The following PADI4 variants were observed in gnomAD, a reference collection of about 807,000 sequenced individuals.
PADI4 encodes the protein protein-arginine deiminase type-4.
PADI4 carries 62 observed loss-of-function variants against 75.0 expected under a neutral mutation model. The ratio of observed to expected loss-of-function variants is 0.83; its 90% CI spans 0.67 to 1.02. The LOEUF (loss-of-function observed/expected upper bound fraction) is 1.02. PADI4 is among the 50% of genes least tolerant of loss of function. The probability of loss-of-function intolerance (pLI) is 0.00; values close to 1 mark genes in which losing one functional copy is unlikely to be tolerated. For missense variants in PADI4, 845 were observed against 850.5 expected, an observed-to-expected ratio of 0.99 and a Z score of 0.08; for synonymous variants, 361 against 348.1, an observed-to-expected ratio of 1.04 and a Z score of -0.41.
chr1:17,342,481 G>C (rs1748019), intron 8 of PADI4, 79 bp downstream of exon 8: 76,635 of 850,980 alleles, frequency 0.09, 3,807 homozygotes, highest in African/African-American at 0.12. Flanking sequence ...CTGTGTGATG[G>C]GAAAAACAGT....
At position 17,349,811 on chromosome 1, in the gene PADI4, C is replaced by G. The variant is rs902907366; in HGVS notation, c.1155+1763C>G. ...GTCACACTCAGCACCAGGCTTTGGC[C>G]CCACCTGCCTCTCCAGCACCATTGT... is the stretch of plus-strand genomic sequence containing the variant. On this transcript the variant is annotated intron_variant, in intron 10 of 15. Coordinates refer to ENST00000375448, the MANE Select transcript of PADI4 (RefSeq NM_012387.3). Among the ~76,000 whole-genome samples the G allele has an allele frequency of 1.6e-5, 2 of 127,368 alleles. 1 individual carries two copies. The highest frequency in any genetic ancestry group is 1.8e-4 in the Admixed American group (2 of 11,396). 83.6% of individuals were successfully genotyped at this position (127,368 alleles called of 152,430 possible).
chr1:17,354,576 G>T lies in PADI4; in HGVS notation c.1199G>T (p.Gly400Val), dbSNP rs145686734. Residue 400 changes from glycine (G) to valine (V), a missense_variant, in exon 11 of 16, where the codon GGT (glycine) becomes GTT (valine). Coordinates refer to ENST00000375448, the MANE Select transcript of PADI4 (RefSeq NM_012387.3). ...GTAACTCGAGGGCCCCAAACAGGGGGTATCAGTGGACTGGACTCCTTTGGG... is the reference window on the plus strand; with the variant it reads ...GTAACTCGAGGGCCCCAAACAGGGGTTATCAGTGGACTGGACTCCTTTGGG... ...GYVTRGPQTG[G>V]ISGLDSFGNL... 8.1e-6 allele frequency: 13 copies of T among 1,614,038 alleles called. No individual in the cohort carries two copies. Among genetic ancestry groups the T allele is most frequent in the South Asian group, 1.1e-5 (1 of 91,092 alleles).
At chr1:17,317,678 T>C (rs2073964438) in intron 1 of PADI4, among the ~76,000 whole-genome samples, 1 of 152,204 alleles carries the variant, frequency 6.6e-6, no homozygotes, top group African/African-American at 2.4e-5. Flanking sequence ...TCTTTGGCAG[T>C]GGTTCTCACA....
At chr1:17,315,537 T>C (rs1253018574) in intron 1 of PADI4, among the ~76,000 whole-genome samples, 3 of 150,242 alleles carry the variant, frequency 2.0e-5, no homozygotes, top group African/African-American at 5.0e-5. Flanking sequence ...TCAAAAACAT[T>C]CCACCATCCT....
rs373293662 is a variant in PADI4, at chr1:17,338,056, C to T, written c.427C>T (p.Pro143Ser). The T allele has an allele frequency of 1.7e-5, 27 of 1,612,802 alleles. No homozygotes were observed. Among genetic ancestry groups the T allele is most frequent in the Non-Finnish European group, 2.1e-5 (25 of 1,178,992 alleles). The change falls in exon 5 of 16, where the codon CCT (proline) becomes TCT (serine). Residue 143 changes from proline to serine, a missense_variant. Pro to Ser is a moderately conservative substitution (Grantham distance 74, BLOSUM62 -1). Transcript: ENST00000375448. ...TGTCCAGAGGACCTGGACCTGGGGC[C>T]CTTGTGGACAGGGTGCCATCCTGCT... ...VKDQRTWTWG[P>S]CGQGAILLVN... is the part of the protein sequence containing the mutation.
At chr1:17,320,286 T>C (rs1289788675) in intron 1 of PADI4, among the ~76,000 whole-genome samples, 1 of 152,140 alleles carries the variant, frequency 6.6e-6, no homozygotes, top group Non-Finnish European at 1.5e-5. Context: ...TTTGTATTAC[T>C]GGAAAGTGGT....
rs1438982887 is a variant in PADI4 at position 17,359,393 on chromosome 1, T to C, written c.1743T>C (p.Ala581=). Residue 581 remains alanine, a synonymous_variant, in exon 15 of 16, where the codon GCT becomes GCC. Coordinates refer to ENST00000375448, the MANE Select transcript of PADI4 (RefSeq NM_012387.3). ...FKLKEFSKAE[A]FFPNMVNMLV... is the part of the protein sequence containing the mutation. ...TCAAAGAGTTCTCTAAGGCGGAAGC[T>C]TTTTTCCCCAACATGGTGAGGAGGT... 3 of 1,613,798 alleles carry C rather than the reference T, an allele frequency of 1.9e-6. No homozygotes were observed. The highest frequency in any genetic ancestry group is 4.5e-5 in the East Asian group (2 of 44,882).
chr1:17,357,813 C>T (rs568460870), intron 13 of PADI4, among the ~76,000 whole-genome samples: 6 of 151,912 alleles, frequency 3.9e-5, no homozygotes, highest in African/African-American at 1.4e-4. Context: ...TGCCTGTAAT[C>T]CCAGCTACTT....
Position 17,356,567 on chromosome 1 carries a change from A to T in PADI4, c.1558+108A>T, listed in dbSNP as rs907939040. On this transcript the variant is annotated intron_variant, in intron 13 of 15. Coordinates refer to ENST00000375448, the MANE Select transcript of PADI4 (RefSeq NM_012387.3). The surrounding 1 kb of genome is among the most constrained non-coding windows in gnomAD (Gnocchi z 4.1). Reference sequence around the variant, plus strand: ...GCAATAGGGTAGCATCTGAGCACCTACTGTGCGCCAGGCACTGTGCCAAGT... The same window carrying T: ...GCAATAGGGTAGCATCTGAGCACCTTCTGTGCGCCAGGCACTGTGCCAAGT... 4 of 676,596 alleles carry T rather than the reference A, an allele frequency of 5.9e-6. No individual in the cohort carries two copies. In the East Asian group the frequency reaches 8.1e-5, roughly 14 times the overall value. The allele number at this position is 676,596 out of a possible 1,614,324, so 41.9% of individuals were successfully genotyped here.
rs534647612 is a variant in PADI4 at position 17,356,118 on chromosome 1, C to T, written c.1446C>T (p.Pro482=). ...VDEFLSFVPA[P]DRKGFRLLLA... is the part of the protein sequence containing the mutation. ...AGTTCCTGAGCTTTGTGCCAGCACCCGACAGGAAGGTACAGTCTTGGGGGC... is the reference window on the plus strand; with the variant it reads ...AGTTCCTGAGCTTTGTGCCAGCACCTGACAGGAAGGTACAGTCTTGGGGGC... The change falls in exon 12 of 16, where the codon CCC becomes CCT. Residue 482 remains proline (P), a synonymous_variant. Transcript: ENST00000375448. The surrounding 1 kb of genome is among the most constrained non-coding windows in gnomAD (Gnocchi z 4.1). The T allele has an allele frequency of 5.2e-5, 84 of 1,614,020 alleles. No individual in the cohort carries two copies. Among genetic ancestry groups the T allele is most frequent in the East Asian group, 4.0e-4 (18 of 44,876 alleles).
intron 10 of PADI4, among the ~76,000 whole-genome samples, chr1:17,351,388 C>T (rs1238731876): frequency 5.5e-5 from 8 of 146,360 alleles, no homozygotes; most frequent in Admixed American, 2.1e-4. Context: ...CCCAGGAGTT[C>T]GAGACCAGCC....
chr1:17,323,034 A>T (rs2074057630), intron 1 of PADI4, among the ~76,000 whole-genome samples: 3 of 152,226 alleles, frequency 2.0e-5, no homozygotes, highest in Admixed American at 2.0e-4. Context: ...AGGTATTGGT[A>T]GAGCCGTAGT....
At chr1:17,361,372 G>T (rs1304723878) in intron 15 of PADI4, among the ~76,000 whole-genome samples, 3 of 152,264 alleles carry the variant, frequency 2.0e-5, no homozygotes, top group Admixed American at 2.0e-4. Flanking sequence ...AGTCAGCAAC[G>T]CTGAGGGCTG....
rs377675051 is a variant in PADI4 at position 17,338,128 on chromosome 1, G to A, written c.499G>A (p.Glu167Lys). 33 of 1,611,868 alleles carry A rather than the reference G, an allele frequency of 2.0e-5. No individual in the cohort carries two copies. The highest frequency in any genetic ancestry group is 4.0e-5 in the African/African-American group (3 of 74,874). ...DNLESSAMDC[E>K]DDEVLDSEDL... ...TCTCGAATCTTCTGCCATGGACTGC[G>A]AGGATGATGAAGTGCTTGACAGCGA... The change falls in exon 5 of 16, where the codon GAG becomes AAG. Residue 167 changes from glutamate (E) to lysine (K), a missense_variant. Physicochemically the swap from Glu to Lys is moderately conservative, Grantham distance 56. Transcript: ENST00000375448.
intron 15 of PADI4, among the ~76,000 whole-genome samples, chr1:17,363,197 C>A (rs1040584271): frequency 3.9e-5 from 6 of 152,218 alleles, no homozygotes; most frequent in African/African-American, 1.4e-4. Flanking sequence ...CAGCTCACTG[C>A]AGCCTTGACC....
intron 15 of PADI4, among the ~76,000 whole-genome samples, chr1:17,363,187 C>T (rs2074870667): frequency 6.6e-6 from 1 of 152,222 alleles, no homozygotes; most frequent in Admixed American, 6.5e-5. Context: ...GGCACAATCA[C>T]AGCTCACTGC....
chr1:17,335,804 G>T (rs574527157), intron 3 of PADI4, among the ~76,000 whole-genome samples: 1 of 152,266 alleles, frequency 6.6e-6, no homozygotes, highest in African/African-American at 2.4e-5. Flanking sequence ...CTGGCAGGGT[G>T]TGCCTGCAGA....
In PADI4 at chr1:17,346,785, A is replaced by G. The variant is rs1237183642; in HGVS notation, c.1047+646A>G. On this transcript the variant is annotated intron_variant, in intron 9 of 15. Coordinates refer to ENST00000375448, the MANE Select transcript of PADI4 (RefSeq NM_012387.3). This position sits in a 1 kb window ranked among gnomAD's most constrained non-coding sequence, Gnocchi z 4.3. ...GCACCCCTGCGGTGCTGTCTCTTGGACCCATCTCCCCATTCCCATCCCCCA... is the reference window on the plus strand; with the variant it reads ...GCACCCCTGCGGTGCTGTCTCTTGGGCCCATCTCCCCATTCCCATCCCCCA... Among the ~76,000 whole-genome samples the G allele has an allele frequency of 2.6e-5, 4 of 151,268 alleles. No homozygotes were observed. The highest frequency in any genetic ancestry group is 2.4e-5 in the African/African-American group (1 of 41,136).
intron 6 of PADI4, among the ~76,000 whole-genome samples, chr1:17,340,387 T>G (rs1011073340): frequency 6.6e-6 from 1 of 150,864 alleles, no homozygotes. Context: ...GGATGTGGAG[T>G]GAGGAGTGGA....
Sources: allele counts gnomAD v4.1 joint callset (sites outside exome capture counted in the v4.1 genomes callset), GRCh38; gene constraint gnomAD v4.1.1; non-coding constraint Gnocchi (gnomAD v3.1); transcripts MANE v1.5; gene names NCBI Gene and HGNC (gene_info 2026-07-23, HGNC 2026-07-21).